The following MAGI2 variants were observed in gnomAD, a reference collection of about 807,000 sequenced individuals.
The protein encoded by MAGI2 is membrane associated guanylate kinase, WW and PDZ domain containing 2, also known as membrane-associated guanylate kinase, WW and PDZ domain-containing protein 2.
In MAGI2, 35 loss-of-function variants were observed where a neutral mutation model predicts 133.3. That is an observed-to-expected ratio of 0.26 (90% confidence interval 0.20 to 0.35). MAGI2 has a LOEUF of 0.35. MAGI2 is among the 10% of genes least tolerant of loss of function. The pLI is 1.00. For synonymous variants in MAGI2, 729 were observed against 710.6 expected, an observed-to-expected ratio of 1.03 and a Z score of -0.41; for missense variants, 1,636 against 1,863.4, an observed-to-expected ratio of 0.88 and a Z score of 2.25.
At chr7:79,181,147 G>C (rs1826581996) in intron 1 of MAGI2, among the ~76,000 whole-genome samples, 2 of 151,858 alleles carry the variant, frequency 1.3e-5, no homozygotes. Context: ...GGAGAACAGT[G>C]GCCCTCTTCT....
At chr7:78,053,259 C>G (rs1812205410) in intron 21 of MAGI2, among the ~76,000 whole-genome samples, 1 of 152,184 alleles carries the variant, frequency 6.6e-6, no homozygotes, top group African/African-American at 2.4e-5. Flanking sequence ...TAAATACATC[C>G]TTTTAAAATG....
At chr7:78,836,073 G>A (rs1791593023) in intron 2 of MAGI2, among the ~76,000 whole-genome samples, 2 of 152,138 alleles carry the variant, frequency 1.3e-5, no homozygotes, top group African/African-American at 4.8e-5. Flanking sequence ...CTTTCTTTGT[G>A]CAGCCACCAT....
At chr7:78,547,408 G>C (rs1345034130) in intron 3 of MAGI2, among the ~76,000 whole-genome samples, 1 of 152,236 alleles carries the variant, frequency 6.6e-6, no homozygotes, top group Admixed American at 6.5e-5. Flanking sequence ...TGGCAGGTTC[G>C]CTGAGTGCTT....
At chr7:79,062,429 G>C (rs886699293) in intron 1 of MAGI2, among the ~76,000 whole-genome samples, 10 of 152,056 alleles carry the variant, frequency 6.6e-5, no homozygotes, top group Non-Finnish European at 2.9e-5. Flanking sequence ...GTACTTTTGT[G>C]GTAGTTTTTT....
intron 2 of MAGI2, among the ~76,000 whole-genome samples, chr7:78,932,534 G>T (rs1348345856): frequency 1.3e-5 from 2 of 151,772 alleles, no homozygotes; most frequent in East Asian, 1.9e-4. Flanking sequence ...ACTGCATAAA[G>T]CTAAAATTAA....
At chr7:78,384,082 T>G (rs1051819056) in intron 6 of MAGI2, among the ~76,000 whole-genome samples, 3 of 151,928 alleles carry the variant, frequency 2.0e-5, no homozygotes, top group African/African-American at 7.2e-5. Flanking sequence ...TTTGTGCTCT[T>G]TTTTTTTGGT....
At chr7:78,409,531 T>C (rs796580661) in intron 6 of MAGI2, among the ~76,000 whole-genome samples, 40 of 152,226 alleles carry the variant, frequency 2.6e-4, no homozygotes, top group African/African-American at 9.4e-4. Context: ...GTAGGTTTAG[T>C]GAAGAAAATA....
intron 6 of MAGI2, among the ~76,000 whole-genome samples, chr7:78,466,603 A>G (rs1438685571): frequency 6.6e-6 from 1 of 152,214 alleles, no homozygotes; most frequent in Non-Finnish European, 1.5e-5. Context: ...GTGCTTTAAA[A>G]TGACAGTTTT....
chr7:78,563,377 C>G (rs1388516396), intron 3 of MAGI2, among the ~76,000 whole-genome samples: 1 of 152,142 alleles, frequency 6.6e-6, no homozygotes, highest in Non-Finnish European at 1.5e-5. Flanking sequence ...GCAGCATGCA[C>G]CTTCCCGTGC....
chr7:79,343,088 C>A (rs1409263611), intron 1 of MAGI2, among the ~76,000 whole-genome samples: 1 of 152,066 alleles, frequency 6.6e-6, no homozygotes, highest in African/African-American at 2.4e-5. Context: ...TTTACATTTA[C>A]AGCTTTACTG....
chr7:78,144,884 C>A (rs1249541197), intron 16 of MAGI2, among the ~76,000 whole-genome samples: 1 of 151,936 alleles, frequency 6.6e-6, no homozygotes, highest in Non-Finnish European at 1.5e-5. Context: ...CTCCACTTGC[C>A]CCCCTGCCCC....
intron 6 of MAGI2, among the ~76,000 whole-genome samples, chr7:78,458,637 A>G (rs1413888536): frequency 9.9e-6 from 1 of 100,816 alleles, no homozygotes; most frequent in Non-Finnish European, 2.1e-5. Flanking sequence ...GTTTTTTGTT[A>G]GGTTTTTTTT....
At chr7:78,562,693 G>T (rs1424396311) in intron 3 of MAGI2, among the ~76,000 whole-genome samples, 2 of 152,110 alleles carry the variant, frequency 1.3e-5, no homozygotes, top group Non-Finnish European at 2.9e-5. Context: ...TCTGATAATT[G>T]TAAATACGTT....
At chr7:78,433,928 A>G (rs1432497175) in intron 6 of MAGI2, among the ~76,000 whole-genome samples, 2 of 152,176 alleles carry the variant, frequency 1.3e-5, no homozygotes, top group Admixed American at 1.3e-4. Context: ...TCATTGAATG[A>G]ATGATTGAAT....
At chr7:79,422,116 A>G (rs1366999404) in intron 1 of MAGI2, among the ~76,000 whole-genome samples, 1 of 152,100 alleles carries the variant, frequency 6.6e-6, no homozygotes, top group Non-Finnish European at 1.5e-5. Context: ...ACTTTGGTCA[A>G]TTCTGAAATG....
intron 3 of MAGI2, among the ~76,000 whole-genome samples, chr7:78,593,323 C>T (rs961243543): frequency 4.6e-5 from 7 of 151,948 alleles, no homozygotes; most frequent in South Asian, 2.1e-4. Flanking sequence ...ACCCGGGAGG[C>T]GGAGCTTGCA....
chr7:78,411,789 G>A (rs1483397332), intron 6 of MAGI2, among the ~76,000 whole-genome samples: 2 of 151,958 alleles, frequency 1.3e-5, no homozygotes, highest in Non-Finnish European at 2.9e-5. Context: ...TATGCATAAA[G>A]CTTTTTGTGT....
chr7:78,349,412 T>C (rs1359441504), intron 7 of MAGI2, among the ~76,000 whole-genome samples: 1 of 152,226 alleles, frequency 6.6e-6, no homozygotes, highest in Non-Finnish European at 1.5e-5. Context: ...TTGTTCGTCA[T>C]ATGCATAACT....
intron 3 of MAGI2, among the ~76,000 whole-genome samples, chr7:78,597,374 TGG>T (rs60023774): frequency 0.11 from 16,005 of 142,486 alleles, 1,020 homozygotes; most frequent in African/African-American, 0.17. Flanking sequence ...ATGAATTCCT[TGG>T]GGGGGGGGGT....
Sources: gnomAD v4.1 joint callset for allele counts (sites outside exome capture counted in the v4.1 genomes callset) on GRCh38, gnomAD v4.1.1 for gene constraint, MANE v1.5 for transcripts, NCBI Gene and HGNC (gene_info 2026-07-23, HGNC 2026-07-21) for gene names.